The following SNX29 variants were observed in gnomAD, a reference collection of about 807,000 sequenced individuals.
The protein encoded by SNX29 is sorting nexin-29.
Under a neutral mutation model 102.1 loss-of-function variants are expected in SNX29, and 78 were observed. That is an observed-to-expected ratio of 0.76 (90% CI 0.64 to 0.92). The LOEUF is 0.92. Among genes scored for constraint, SNX29 ranks in the 40% least tolerant of loss-of-function variants. The pLI is 0.00. For synonymous variants in SNX29, 580 were observed against 414.5 expected (o/e 1.40, Z -4.85); for missense variants, 1,280 against 1,061.7 (o/e 1.21, Z -2.86).
chr16:12,275,238 C>T (rs2079208401), intron 14 of SNX29, among the ~76,000 whole-genome samples: 1 of 152,124 alleles, frequency 6.6e-6, no homozygotes, highest in South Asian at 2.1e-4. Flanking sequence ...AATACCTTTC[C>T]ATTCCCTGGC....
chr16:12,566,132 G>A (rs189061213), intron 20 of SNX29, among the ~76,000 whole-genome samples: 5 of 152,288 alleles, frequency 3.3e-5, no homozygotes, highest in South Asian at 2.1e-4. Context: ...AGGCTCAGAG[G>A]GCAGGCATTT....
At chr16:12,502,218 G>A (rs939912245) in intron 19 of SNX29, among the ~76,000 whole-genome samples, 11 of 152,210 alleles carry the variant, frequency 7.2e-5, no homozygotes, top group African/African-American at 2.7e-4. Context: ...GACAGTGGCA[G>A]TGAGGGGCGG....
intron 20 of SNX29, among the ~76,000 whole-genome samples, chr16:12,533,753 G>A (rs2076994276): frequency 6.6e-6 from 1 of 152,142 alleles, no homozygotes; most frequent in South Asian, 2.1e-4. Flanking sequence ...AGTGAATTAA[G>A]CCATTGAGTT....
intron 19 of SNX29, among the ~76,000 whole-genome samples, chr16:12,497,282 CA>C (rs1248832396): frequency 6.6e-6 from 1 of 152,190 alleles, no homozygotes; most frequent in Non-Finnish European, 1.5e-5. Context: ...TTTTTTATTT[CA>C]CAAACCTGTA....
chr16:12,449,544 A>C (rs1597417390), intron 18 of SNX29, among the ~76,000 whole-genome samples: 1 of 152,204 alleles, frequency 6.6e-6, no homozygotes, highest in Admixed American at 6.5e-5. Context: ...TCTGTAAGTC[A>C]GTAGTCTTGG....
intron 14 of SNX29, among the ~76,000 whole-genome samples, chr16:12,266,730 T>C (rs540816567): frequency 6.7e-6 from 1 of 149,798 alleles, no homozygotes; most frequent in East Asian, 2.0e-4. Flanking sequence ...AACGTGGTTC[T>C]TGGTCTTGTT....
chr16:12,517,752 C>G (rs1207532975), intron 19 of SNX29, among the ~76,000 whole-genome samples: 1 of 152,016 alleles, frequency 6.6e-6, no homozygotes, highest in South Asian at 2.1e-4. Context: ...AGGAATGAGA[C>G]TATCCCAGGA....
chr16:12,254,112 A>T (rs1193208814), intron 14 of SNX29, among the ~76,000 whole-genome samples: 1 of 152,170 alleles, frequency 6.6e-6, no homozygotes, highest in East Asian at 1.9e-4. Context: ...GGGGCCGAGC[A>T]GGAGCTTGGG....
intron 1 of SNX29, among the ~76,000 whole-genome samples, chr16:11,994,157 C>T (rs1435838413): frequency 6.6e-6 from 1 of 152,074 alleles, no homozygotes; most frequent in African/African-American, 2.4e-5. Flanking sequence ...TAAAGAGAGA[C>T]CCAACTAGGT....
At chr16:12,448,550 TA>T (rs908913412) in intron 18 of SNX29, among the ~76,000 whole-genome samples, 4 of 152,120 alleles carry the variant, frequency 2.6e-5, no homozygotes, top group African/African-American at 9.7e-5. Flanking sequence ...CCTGCTTATG[TA>T]CAGCCCAACA....
chr16:12,156,878 A>G (rs1225691726), intron 13 of SNX29, among the ~76,000 whole-genome samples: 2 of 151,560 alleles, frequency 1.3e-5, no homozygotes, highest in African/African-American at 2.4e-5. Flanking sequence ...GTGTAGATGC[A>G]TGACCAAGGA....
rs376970358 is a variant in SNX29 at position 12,356,264 on chromosome 16, C to T, written c.1884C>T (p.Ile628=). The change falls in exon 16 of 21, where the codon ATC becomes ATT. Residue 628 remains isoleucine (I), a synonymous_variant. Coordinates refer to ENST00000566228, the MANE Select transcript of SNX29 (RefSeq NM_032167.5). Reference sequence around the variant, plus strand: ...TGTCCCAGATGAGGCAGGAGCTCATCGATCTCCGGGGACCGGTGAGTGTTT... The same window carrying T: ...TGTCCCAGATGAGGCAGGAGCTCATTGATCTCCGGGGACCGGTGAGTGTTT... ...ALVSQMRQEL[I]DLRGPVPGDL... 25 of 1,608,124 alleles carry T rather than the reference C, an allele frequency of 1.6e-5. No homozygotes were observed. Among genetic ancestry groups the T allele is most frequent in the Middle Eastern group, 1.7e-4 (1 of 6,044 alleles).
intron 18 of SNX29, among the ~76,000 whole-genome samples, chr16:12,414,897 G>T (rs1334822329): frequency 6.6e-6 from 1 of 152,042 alleles, no homozygotes; most frequent in Non-Finnish European, 1.5e-5. Context: ...AATTTTTTGT[G>T]TTTTTAGTAG....
chr16:12,396,806 C>A (rs974491256), intron 16 of SNX29, among the ~76,000 whole-genome samples: 1 of 152,150 alleles, frequency 6.6e-6, no homozygotes, highest in Admixed American at 6.6e-5. Context: ...GTGATACACA[C>A]TTAAATTGAT....
intron 20 of SNX29, among the ~76,000 whole-genome samples, chr16:12,561,785 C>T (rs778238177): frequency 6.6e-5 from 10 of 152,264 alleles, no homozygotes; most frequent in Non-Finnish European, 1.2e-4. Flanking sequence ...GTCAGGACCA[C>T]GCGTGGCCTG....
intron 18 of SNX29, among the ~76,000 whole-genome samples, chr16:12,472,801 A>G (rs1037303223): frequency 6.6e-6 from 1 of 152,122 alleles, no homozygotes; most frequent in South Asian, 2.1e-4. Context: ...GTTATTACAG[A>G]CATCATGAGG....
Position 12,226,580 on chromosome 16 carries a change from T to C in SNX29, c.1678+26897T>C, listed in dbSNP as rs1388235213. Among the ~76,000 whole-genome samples, 5 of 150,462 alleles carry C rather than the reference T, an allele frequency of 3.3e-5. No individual in the cohort carries two copies. The East Asian group carries it at 9.7e-4, about 29-fold the overall frequency. ...AGGGCGTGGACTGAGCCTTCTTTTTTTTTTTTTTTTGGAGACAGAGTCTTG... is the reference window on the plus strand; with the variant it reads ...AGGGCGTGGACTGAGCCTTCTTTTTCTTTTTTTTTTGGAGACAGAGTCTTG... On this transcript the variant is annotated intron_variant, in intron 14 of 20. Coordinates refer to ENST00000566228, the MANE Select transcript of SNX29 (RefSeq NM_032167.5).
At chr16:12,547,590 C>G (rs111305326) in intron 20 of SNX29, among the ~76,000 whole-genome samples, 1 of 152,000 alleles carries the variant, frequency 6.6e-6, no homozygotes, top group Non-Finnish European at 1.5e-5. Flanking sequence ...GGATTAAATA[C>G]ACCCCCACGA....
At chr16:12,122,024 T>C (rs1368657467) in intron 11 of SNX29, among the ~76,000 whole-genome samples, 2 of 152,162 alleles carry the variant, frequency 1.3e-5, no homozygotes, top group African/African-American at 2.4e-5. Flanking sequence ...CCATGTTGGC[T>C]GGGATGGTCT....
Sources: gnomAD v4.1 joint callset for allele counts (sites outside exome capture counted in the v4.1 genomes callset) on GRCh38, gnomAD v4.1.1 for gene constraint, MANE v1.5 for transcripts, NCBI Gene and HGNC (gene_info 2026-07-23, HGNC 2026-07-21) for gene names.